Variants in PTPRD observed in about 807,000 individuals in gnomAD.
PTPRD encodes protein tyrosine phosphatase receptor type D, also known as receptor-type tyrosine-protein phosphatase delta.
PTPRD carries 34 observed loss-of-function variants against 214.5 expected under a neutral mutation model. The observed-to-expected ratio is 0.16, with a 90% CI of 0.12 to 0.21. PTPRD has a LOEUF of 0.21. Ranked by LOEUF, PTPRD falls within the 10% of genes least tolerant of loss-of-function variation. PTPRD has a pLI of 1.00. For synonymous variants in PTPRD, 1,128 were observed against 845.7 expected (o/e 1.33, Z -5.79); for missense variants, 2,545 against 2,398.7 (o/e 1.06, Z -1.27).
intron 6 of PTPRD, among the ~76,000 whole-genome samples, chr9:9,743,632 G>A (rs1475623379): frequency 6.6e-6 from 1 of 151,474 alleles, no homozygotes; most frequent in Non-Finnish European, 1.5e-5. Flanking sequence ...CCAAAGGCAT[G>A]ACCTTTAACT....
intron 37 of PTPRD, among the ~76,000 whole-genome samples, chr9:8,385,661 G>A (rs890726917): frequency 4.6e-5 from 7 of 152,078 alleles, no homozygotes; most frequent in African/African-American, 1.2e-4. Context: ...ATAAGGAAAC[G>A]TATCTTCAGT....
intron 10 of PTPRD, among the ~76,000 whole-genome samples, chr9:9,174,150 A>G (rs566568767): frequency 1.3e-5 from 2 of 152,226 alleles, no homozygotes; most frequent in African/African-American, 4.8e-5. Context: ...CAAATAAAAC[A>G]TTACCAACAG....
intron 12 of PTPRD, among the ~76,000 whole-genome samples, chr9:8,672,324 T>C (rs549042851): frequency 1.3e-4 from 20 of 152,320 alleles, no homozygotes; most frequent in African/African-American, 4.8e-4. Flanking sequence ...TGATACCAAA[T>C]GCAAATTAAA....
chr9:10,322,685 A>G (rs1383692162), intron 3 of PTPRD, among the ~76,000 whole-genome samples: 2 of 152,126 alleles, frequency 1.3e-5, no homozygotes, highest in Non-Finnish European at 2.9e-5. Context: ...GGGAGATGGC[A>G]ATTATCACAT....
At position 9,753,637 on chromosome 9, in the gene PTPRD, G is replaced by T. The variant is rs151305370; in HGVS notation, c.-326+13173C>A. ...AATGGGGTGAGCTTAGGGTATGAAA[G>T]TTCACAAGAGTTGGTGTGATCCACA... On this transcript the variant is annotated intron_variant, in intron 6 of 45. Coordinates refer to ENST00000381196, the MANE Select transcript of PTPRD (RefSeq NM_002839.4). 4.5e-3 allele frequency among the ~76,000 whole-genome samples: 684 copies of T among 152,102 alleles called. 5 individuals carry two copies. The highest frequency in any genetic ancestry group is 0.017 in the Middle Eastern group (5 of 294).
At chr9:9,134,890 A>G (rs1239444647) in intron 10 of PTPRD, among the ~76,000 whole-genome samples, 1 of 152,134 alleles carries the variant, frequency 6.6e-6, no homozygotes, top group Non-Finnish European at 1.5e-5. Flanking sequence ...ATAATTTTAG[A>G]AATGGTACAT....
rs115042874 is a variant in PTPRD at position 10,602,592 on chromosome 9, G to A, written c.-600+9806C>T. On this transcript the variant is annotated intron_variant, in intron 2 of 45. Coordinates refer to ENST00000381196, the MANE Select transcript of PTPRD (RefSeq NM_002839.4). ...AAATAAGAAAATAAAAGTAATTTAC[G>A]GTTATAATCAAGTAAAATTTCAACA... is the stretch of plus-strand genomic sequence containing the variant. Among the ~76,000 whole-genome samples, 11 of 151,742 alleles carry A rather than the reference G, an allele frequency of 7.2e-5. No individual in the cohort carries two copies. The South Asian group carries it at 8.3e-4, about 11-fold the overall frequency.
At chr9:10,489,194 G>A (rs1257720360) in intron 2 of PTPRD, among the ~76,000 whole-genome samples, 1 of 152,124 alleles carries the variant, frequency 6.6e-6, no homozygotes, top group African/African-American at 2.4e-5. Flanking sequence ...CCAGGACTGG[G>A]TCATTGCCTT....
chr9:10,182,835 T>C (rs1306717265), intron 3 of PTPRD, among the ~76,000 whole-genome samples: 1 of 152,146 alleles, frequency 6.6e-6, no homozygotes, highest in Non-Finnish European at 1.5e-5. Flanking sequence ...TGCATGTATG[T>C]ATATCACCCA....
At chr9:9,834,909 T>C (rs1331987912) in intron 5 of PTPRD, among the ~76,000 whole-genome samples, 2 of 151,980 alleles carry the variant, frequency 1.3e-5, no homozygotes, top group East Asian at 3.9e-4. Context: ...TCAAAGTAAA[T>C]AAATATTAAC....
chr9:10,305,002 C>A (rs1191848310), intron 3 of PTPRD, among the ~76,000 whole-genome samples: 2 of 152,126 alleles, frequency 1.3e-5, no homozygotes, highest in Non-Finnish European at 2.9e-5. Flanking sequence ...TACCTGACTT[C>A]AAACTATACT....
intron 2 of PTPRD, among the ~76,000 whole-genome samples, chr9:10,441,112 C>G (rs2098755422): frequency 6.6e-6 from 1 of 151,660 alleles, no homozygotes; most frequent in Non-Finnish European, 1.5e-5. Flanking sequence ...CGCTTTCTAT[C>G]CAGTCTCATG....
intron 7 of PTPRD, among the ~76,000 whole-genome samples, chr9:9,700,966 T>A (rs2097487168): frequency 6.6e-6 from 1 of 151,860 alleles, no homozygotes; most frequent in Non-Finnish European, 1.5e-5. Context: ...CAAAGAGTTG[T>A]AGGAACTCAG....
intron 8 of PTPRD, among the ~76,000 whole-genome samples, chr9:9,406,262 G>A (rs571156695): frequency 1.3e-5 from 2 of 152,026 alleles, no homozygotes; most frequent in African/African-American, 4.8e-5. Flanking sequence ...TTTCGGCTTA[G>A]GGACTTTCAA....
intron 10 of PTPRD, among the ~76,000 whole-genome samples, chr9:9,069,045 G>C (rs961869293): frequency 1.3e-5 from 2 of 151,992 alleles, no homozygotes; most frequent in East Asian, 1.9e-4. Flanking sequence ...ACCCACTTAA[G>C]AAAAAACAAA....
intron 9 of PTPRD, among the ~76,000 whole-genome samples, chr9:9,326,183 G>C (rs1233784116): frequency 2.6e-5 from 4 of 152,022 alleles, no homozygotes; most frequent in Middle Eastern, 3.2e-3. Flanking sequence ...TTAATGAAGG[G>C]AAAGACAGGA....
At chr9:8,946,996 C>T (rs2099068925) in intron 11 of PTPRD, among the ~76,000 whole-genome samples, 1 of 139,962 alleles carries the variant, frequency 7.1e-6, no homozygotes, top group Admixed American at 7.1e-5. Flanking sequence ...CTCAAGCTTT[C>T]TATCTCTGTC....
intron 2 of PTPRD, among the ~76,000 whole-genome samples, chr9:10,501,364 T>G (rs1334667479): frequency 6.6e-6 from 1 of 152,040 alleles, no homozygotes; most frequent in Non-Finnish European, 1.5e-5. Context: ...TGAATAAACA[T>G]TTGTCCATTT....
chr9:8,578,412 TA>T (rs869113135), intron 14 of PTPRD, among the ~76,000 whole-genome samples: 1 of 118,888 alleles, frequency 8.4e-6, no homozygotes, highest in Non-Finnish European at 1.7e-5. Context: ...TTGCCCTTCA[TA>T]AAACATTTCG....
Sources: allele counts gnomAD v4.1 joint callset (sites outside exome capture counted in the v4.1 genomes callset), GRCh38; gene constraint gnomAD v4.1.1; transcripts MANE v1.5; gene names NCBI Gene and HGNC (gene_info 2026-07-23, HGNC 2026-07-21).